Variants in EPHA2 observed in about 807,000 individuals in gnomAD.
The protein encoded by EPHA2 is EPH receptor A2.
A neutral mutation model predicts 104.9 loss-of-function variants in EPHA2; 54 were observed. The ratio of observed to expected loss-of-function variants is 0.51; its 90% CI spans 0.41 to 0.65. The LOEUF (loss-of-function observed/expected upper bound fraction) is 0.65. Ranked by LOEUF, EPHA2 falls within the 30% of genes least tolerant of loss-of-function variation. The pLI is 0.00. For synonymous variants in EPHA2, 560 were observed against 559.1 expected, an observed-to-expected ratio of 1.00 and a Z score of -0.02; for missense variants, 1,117 against 1,369.5, an observed-to-expected ratio of 0.82 and a Z score of 2.91.
Position 16,125,141 on chromosome 1 carries a change from G to T in EPHA2, c.*74C>A. On this transcript the variant is annotated 3_prime_UTR_variant, in exon 17 of 17. Coordinates refer to ENST00000358432, the MANE Select transcript of EPHA2 (RefSeq NM_004431.5). This position sits in a 1 kb window ranked among gnomAD's most constrained non-coding sequence, Gnocchi z 4.9. ...AATAAATAAAGTCCCCAGTGGCCCA[G>T]CATGGCACAGCAGGGAGGCCACTCT... 1.5e-6 allele frequency: 2 copies of T among 1,377,818 alleles called. No homozygotes were observed. Among genetic ancestry groups the T allele is most frequent in the Non-Finnish European group, 2.0e-6 (2 of 978,352 alleles). 85.3% of individuals were successfully genotyped at this position (1,377,818 alleles called of 1,614,324 possible).
chr1:16,126,339 GT>G (rs1236508821), intron 16 of EPHA2, among the ~76,000 whole-genome samples: 2 of 152,210 alleles, frequency 1.3e-5, no homozygotes, highest in African/African-American at 4.8e-5. Flanking sequence ...AAACACCCAA[GT>G]TTTTATGGGC....
At chr1:16,152,237 C>T (rs2025053202) in intron 1 of EPHA2, among the ~76,000 whole-genome samples, 1 of 152,192 alleles carries the variant, frequency 6.6e-6, no homozygotes, top group Non-Finnish European at 1.5e-5. Context: ...GTGGACAGAG[C>T]TCCAGGCAGG....
intron 1 of EPHA2, chr1:16,153,054 G>A (rs776187638): frequency 2.3e-5 from 21 of 923,440 alleles, no homozygotes; most frequent in African/African-American, 5.4e-5. Context: ...TGACCCAGAC[G>A]GCTTCCTGGA....
intron 1 of EPHA2, among the ~76,000 whole-genome samples, chr1:16,151,577 G>A (rs1486611773): frequency 6.6e-6 from 1 of 152,174 alleles, no homozygotes; most frequent in African/African-American, 2.4e-5. Flanking sequence ...GGAGGGAAGA[G>A]GGTATCTGGA....
chr1:16,130,293 C>T lies in EPHA2; in HGVS notation c.2602G>A (p.Val868Ile), dbSNP rs1459851083. ...CGAATGAGCTTGTCCAGGATGCTGA[C>T]GATGTCAGCGAACTTGGGGCGGCGG... ...RARRPKFADI[V>I]SILDKLIRAP... Residue 868 changes from valine (V) to isoleucine (I), a missense_variant, in exon 15 of 17, where the codon GTC (valine) becomes ATC (isoleucine). Transcript: ENST00000358432. This position sits in a 1 kb window ranked among gnomAD's most constrained non-coding sequence, Gnocchi z 4.5. 5.6e-6 allele frequency: 9 copies of T among 1,612,560 alleles called. No homozygotes were observed. The highest frequency in any genetic ancestry group is 1.7e-4 in the Middle Eastern group (1 of 6,052).
At chr1:16,155,801 G>T in intron 1 of EPHA2, 47 bp downstream of exon 1, 3 of 1,327,172 alleles carry the variant, frequency 2.3e-6, no homozygotes, top group South Asian at 3.6e-5. Context: ...GGCTCTAGGG[G>T]GCACTGGGGC....
intron 8 of EPHA2, 58 bp from the exon 9 acceptor site, chr1:16,133,973 A>AG (rs2024631864): frequency 6.5e-7 from 1 of 1,531,230 alleles, no homozygotes; most frequent in Non-Finnish European, 8.8e-7. Flanking sequence ...TGCTCCGGCC[A>AG]GGGAAGCCTC....
At position 16,125,295 on chromosome 1, in the gene EPHA2, G is replaced by A. The variant is rs2124182746; in HGVS notation, c.2851C>T (p.Leu951=). The part of the protein sequence containing the change: ...NDDIKRIGVR[L]PGHQKRIAYS... Reference sequence around the variant, plus strand: ...GCGATGCGCTTCTGGTGGCCGGGCAGCCGCACCCCAATCCTCTTGATGTCG... The same window carrying A: ...GCGATGCGCTTCTGGTGGCCGGGCAACCGCACCCCAATCCTCTTGATGTCG... The change falls in exon 17 of 17, where the codon CTG becomes TTG. Residue 951 remains leucine, a synonymous_variant. Coordinates refer to ENST00000358432, the MANE Select transcript of EPHA2 (RefSeq NM_004431.5). This position sits in a 1 kb window ranked among gnomAD's most constrained non-coding sequence, Gnocchi z 4.9. 2 of 1,564,410 alleles carry A rather than the reference G, an allele frequency of 1.3e-6. No homozygotes were observed. The highest frequency in any genetic ancestry group is 1.7e-6 in the Non-Finnish European group (2 of 1,149,306).
intron 2 of EPHA2, 134 bp from the exon 3 acceptor site, chr1:16,149,181 G>A: frequency 1.0e-6 from 1 of 961,178 alleles, no homozygotes; most frequent in Non-Finnish European, 1.6e-6. Context: ...ACTGAGGCCT[G>A]AGGCGGGTGG....
In EPHA2 at chr1:16,125,361, G is replaced by T; in HGVS notation, c.2826-41C>A. 2 of 1,373,470 alleles carry T rather than the reference G, an allele frequency of 1.5e-6. No individual in the cohort carries two copies. The highest frequency in any genetic ancestry group is 1.2e-5 in the South Asian group (1 of 82,180). The allele number at this position is 1,373,470 out of a possible 1,614,324, so 85.1% of individuals were successfully genotyped here. A position where few individuals can be genotyped will look rare whatever the true frequency, so the allele number is the denominator to read the frequency against. ...GAGAGAGGGAGAGTTAGGGGCTGGA[G>T]CAGGGGAGGGGGCCGGGCTGGGTGG... On this transcript the variant is annotated intron_variant, in intron 16 of 16. Transcript: ENST00000358432. The surrounding 1 kb of genome is among the most constrained non-coding windows in gnomAD (Gnocchi z 4.9).
chr1:16,135,432 T>G lies in EPHA2; in HGVS notation c.1428+223A>C, dbSNP rs1326224901. On this transcript the variant is annotated intron_variant, in intron 6 of 16. Transcript: ENST00000358432. This position sits in a 1 kb window ranked among gnomAD's most constrained non-coding sequence, Gnocchi z 4.3. ...GGGTCCCAAAATTCTGCCCCTGTCC[T>G]CACCCTGACTGCCTCTTCCAAGGAC... Among the ~76,000 whole-genome samples, 1 of 152,198 alleles carries G rather than the reference T, an allele frequency of 6.6e-6. No individual in the cohort carries two copies. Among genetic ancestry groups the G allele is most frequent in the African/African-American group, 2.4e-5 (1 of 41,448 alleles).
chr1:16,136,884 C>T (rs1482071778), intron 5 of EPHA2, among the ~76,000 whole-genome samples: 8 of 151,446 alleles, frequency 5.3e-5, no homozygotes, highest in Middle Eastern at 6.8e-3. Flanking sequence ...CCGCAACCTC[C>T]ACCTCCTGGG....
At chr1:16,136,883 C>T (rs1295488407) in intron 5 of EPHA2, among the ~76,000 whole-genome samples, 1 of 151,374 alleles carries the variant, frequency 6.6e-6, no homozygotes, top group South Asian at 2.1e-4. Context: ...ACCGCAACCT[C>T]CACCTCCTGG....
At chr1:16,133,717 G>T in intron 9 of EPHA2, 111 bp from the exon 10 acceptor site, 8 of 1,541,332 alleles carry the variant, frequency 5.2e-6, no homozygotes, top group Non-Finnish European at 6.2e-6. Flanking sequence ...ACCAGGCTGT[G>T]GGGGACGGAC....
chr1:16,150,495 T>TCTTCTTCAC lies in EPHA2; in HGVS notation c.153+392_153+400dup, dbSNP rs1215839926. ...TGATCAGGTTTTCCTGTTCCCTGTC[T>TCTTCTTCAC]CTTCTTCACCCCTCACCTCCTGGGC... On this transcript the variant is annotated intron_variant, in intron 2 of 16. Transcript: ENST00000358432. This position sits in a 1 kb window ranked among gnomAD's most constrained non-coding sequence, Gnocchi z 4.8. 6.6e-6 allele frequency among the ~76,000 whole-genome samples: 1 copy of TCTTCTTCAC among 152,188 alleles called. No individual in the cohort carries two copies. The highest frequency in any genetic ancestry group is 1.5e-5 in the Non-Finnish European group (1 of 68,034).
intron 1 of EPHA2, among the ~76,000 whole-genome samples, chr1:16,151,289 G>A (rs1390094536): frequency 6.6e-6 from 1 of 152,142 alleles, no homozygotes; most frequent in Non-Finnish European, 1.5e-5. Context: ...AGCCCGGCAG[G>A]AGAACAGCAG....
chr1:16,135,847 G>T lies in EPHA2; in HGVS notation c.1313-77C>A, dbSNP rs961354060. ...GCAGGGTTTGGGGGGACAAGTGGACGTGGAGCCACATCCTCCACAGCCCAG... is the reference window on the plus strand; with the variant it reads ...GCAGGGTTTGGGGGGACAAGTGGACTTGGAGCCACATCCTCCACAGCCCAG... On this transcript the variant is annotated intron_variant, in intron 5 of 16. Transcript: ENST00000358432. The surrounding 1 kb of genome is among the most constrained non-coding windows in gnomAD (Gnocchi z 4.3). 1 of 741,986 alleles carries T rather than the reference G, an allele frequency of 1.3e-6. No homozygotes were observed. The highest frequency in any genetic ancestry group is 1.4e-5 in the South Asian group (1 of 70,570). 46.0% of individuals were successfully genotyped at this position (741,986 alleles called of 1,614,324 possible).
intron 1 of EPHA2, 152 bp downstream of exon 1, chr1:16,155,696 G>A: frequency 1.8e-6 from 1 of 558,668 alleles, no homozygotes; most frequent in South Asian, 3.8e-5. Flanking sequence ...GCCAGGGCTC[G>A]CCTCGATCGC....
chr1:16,131,257 C>T lies in EPHA2; in HGVS notation c.2475+464G>A, dbSNP rs2024564549. ...CTGAATCAGCTCCTGGAACCCAGCA[C>T]AAGGCCTGGCACGCAGTAGATCCTC... On this transcript the variant is annotated intron_variant, in intron 14 of 16. Transcript: ENST00000358432. This position sits in a 1 kb window ranked among gnomAD's most constrained non-coding sequence, Gnocchi z 5.2. Among the ~76,000 whole-genome samples, 1 of 152,106 alleles carries T rather than the reference C, an allele frequency of 6.6e-6. No homozygotes were observed. Among genetic ancestry groups the T allele is most frequent in the African/African-American group, 2.4e-5 (1 of 41,404 alleles).
Sources: gnomAD v4.1 joint callset for allele counts (sites outside exome capture counted in the v4.1 genomes callset) on GRCh38, gnomAD v4.1.1 for gene constraint, Gnocchi (gnomAD v3.1) non-coding constraint, MANE v1.5 for transcripts, NCBI Gene and HGNC (gene_info 2026-07-23, HGNC 2026-07-21) for gene names.